The following ACAT2 variants were observed in gnomAD, a reference collection of about 807,000 sequenced individuals.
ACAT2 encodes acetyl-CoA acetyltransferase 2, also known as acetyl-CoA acetyltransferase, cytosolic.
A neutral mutation model predicts 37.1 loss-of-function variants in ACAT2; 26 were observed. That is an observed-to-expected ratio of 0.70 (90% CI 0.51 to 0.97). The LOEUF (loss-of-function observed/expected upper bound fraction) is 0.97. Among genes scored for constraint, ACAT2 ranks in the 50% least tolerant of loss-of-function variants. The pLI, the probability that ACAT2 is intolerant of heterozygous loss-of-function variation, is 0.00. For missense variants in ACAT2, 468 were observed against 489.0 expected, an observed-to-expected ratio of 0.96 and a Z score of 0.40; for synonymous variants, 156 against 163.6, an observed-to-expected ratio of 0.95 and a Z score of 0.35.
At chr6:159,769,438 G>A (rs1421716684) in intron 4 of ACAT2, among the ~76,000 whole-genome samples, 1 of 152,136 alleles carries the variant, frequency 6.6e-6, no homozygotes, top group Non-Finnish European at 1.5e-5. Flanking sequence ...CCCTTTCCAA[G>A]GTGTACTGTG....
intron 2 of ACAT2, 144 bp downstream of exon 2, chr6:159,763,197 T>C: frequency 8.8e-7 from 1 of 1,141,094 alleles, no homozygotes; most frequent in Non-Finnish European, 1.2e-6. Flanking sequence ...GTTCCCTCTG[T>C]TATGATTCCT....
rs1780410419 is a variant in ACAT2 at position 159,776,196 on chromosome 6, C to T, written c.681C>T (p.Asn227=). Residue 227 remains asparagine (N), a synonymous_variant, in exon 6 of 9, where the codon AAC becomes AAT. Coordinates refer to ENST00000367048, the MANE Select transcript of ACAT2 (RefSeq NM_005891.3). ...KTDEFPRHGS[N]IEAMSKLKPY... The stretch of plus-strand genomic sequence containing the variant: ...ATGAGTTTCCTCGCCATGGGAGCAA[C>T]ATAGAAGCCATGTCCAAGCTAAAGC... The T allele has an allele frequency of 6.2e-7, 1 of 1,614,124 alleles. No homozygotes were observed. The highest frequency in any genetic ancestry group is 8.5e-7 in the Non-Finnish European group (1 of 1,179,994).
intron 6 of ACAT2, among the ~76,000 whole-genome samples, 169 bp from the exon 7 acceptor site, chr6:159,777,133 G>A (rs1004695371): frequency 1.8e-4 from 27 of 152,160 alleles, no homozygotes; most frequent in African/African-American, 5.8e-4. Flanking sequence ...AAGTTTTGTG[G>A]TCAATATATT....
At chr6:159,762,645 C>T (rs1477045009) in intron 1 of ACAT2, 1 of 1,442,044 alleles carries the variant, frequency 6.9e-7, no homozygotes, top group African/African-American at 1.4e-5. Flanking sequence ...AGCATGGGGT[C>T]GCATCCAGTC....
In ACAT2 at chr6:159,778,300, C is replaced by A; in HGVS notation, c.1023+20C>A. 1.3e-6 allele frequency: 2 copies of A among 1,516,256 alleles called. No homozygotes were observed. Among genetic ancestry groups the A allele is most frequent in the East Asian group, 2.3e-5 (1 of 44,126 alleles). The allele number at this position is 1,516,256 out of a possible 1,614,324, so 93.9% of individuals were successfully genotyped here. A position where few individuals can be genotyped will look rare whatever the true frequency, so the allele number is the denominator to read the frequency against. ...GAGAAGGTAAAGATGCACAAGTAAC[C>A]CTGAGAGCTTACCAGTGAATTTCAC... On this transcript the variant is annotated intron_variant, in intron 8 of 8. Transcript: ENST00000367048.
Position 159,768,568 on chromosome 6 carries a change from G to C in ACAT2, c.430G>C (p.Asp144His). ...AAAGATAGGTGAGATGCCACTGACT[G>C]ACAGTATACTCTGTGATGGTCTTAC... ...GVKIGEMPLT[D>H]SILCDGLTDA... Residue 144 changes from aspartate to histidine, a missense_variant, in exon 4 of 9, where the codon GAC becomes CAC. By Grantham distance (81) the Asp-to-His change is moderately conservative (BLOSUM62 -1). Coordinates refer to ENST00000367048, the MANE Select transcript of ACAT2 (RefSeq NM_005891.3). The C allele has an allele frequency of 6.2e-7, 1 of 1,614,018 alleles. No homozygotes were observed. The highest frequency in any genetic ancestry group is 8.5e-7 in the Non-Finnish European group (1 of 1,179,916).
At chr6:159,766,957 T>G (rs1780265045) in intron 2 of ACAT2, 48 bp from the exon 3 acceptor site, 1 of 1,605,722 alleles carries the variant, frequency 6.2e-7, no homozygotes, top group Non-Finnish European at 8.5e-7. Flanking sequence ...CTGTGACATT[T>G]TGTCTTTCTC....
chr6:159,771,828 T>A (rs1376821044), intron 4 of ACAT2, among the ~76,000 whole-genome samples: 4 of 152,228 alleles, frequency 2.6e-5, no homozygotes, highest in African/African-American at 7.2e-5. Flanking sequence ...AGTTTGAGTC[T>A]AGCCTGGGCA....
At chr6:159,772,939 C>T (rs903727132) in intron 4 of ACAT2, among the ~76,000 whole-genome samples, 4 of 151,970 alleles carry the variant, frequency 2.6e-5, no homozygotes, top group Admixed American at 1.3e-4. Flanking sequence ...AGTGCAGTGG[C>T]TCAATCTTGG....
Position 159,777,469 on chromosome 6 carries a change from C to G in ACAT2, c.912+13C>G, listed in dbSNP as rs116271165. ...CATAAAGCAAGCTGTGAGTATAACC[C>G]TATTCCCTTTTATGAAATTTGTCTT... On this transcript the variant is annotated intron_variant, in intron 7 of 8. Coordinates refer to ENST00000367048, the MANE Select transcript of ACAT2 (RefSeq NM_005891.3). 2.5e-6 allele frequency: 4 copies of G among 1,603,606 alleles called. No individual in the cohort carries two copies. The highest frequency in any genetic ancestry group is 3.4e-6 in the Non-Finnish European group (4 of 1,176,368).
intron 7 of ACAT2, 99 bp downstream of exon 7, chr6:159,777,555 G>A (rs1420029426): frequency 6.9e-6 from 9 of 1,301,672 alleles, no homozygotes; most frequent in Non-Finnish European, 9.4e-6. Flanking sequence ...TACCAGAAGA[G>A]TAACCAAGAG....
intron 5 of ACAT2, 126 bp downstream of exon 5, chr6:159,775,439 C>G: frequency 8.9e-7 from 1 of 1,123,764 alleles, no homozygotes; most frequent in Admixed American, 2.4e-5. Context: ...AAATATATGT[C>G]CTGGATACAT....
chr6:159,764,749 G>A lies in ACAT2; in HGVS notation c.190+1696G>A, dbSNP rs538573023. On this transcript the variant is annotated intron_variant, in intron 2 of 8. Coordinates refer to ENST00000367048, the MANE Select transcript of ACAT2 (RefSeq NM_005891.3). ...GGGACTACCGGTGCATGTCTACTAA[G>A]TTTAAGGCTTTTAAAGCACTGTGCT... 7.2e-5 allele frequency among the ~76,000 whole-genome samples: 11 copies of A among 152,300 alleles called. No homozygotes were observed. The South Asian group carries it at 2.3e-3, about 32-fold the overall frequency.
intron 4 of ACAT2, among the ~76,000 whole-genome samples, chr6:159,771,066 A>AAAATTAAATTAAATTAAATTAAATT (rs146534828): frequency 1.5e-4 from 23 of 149,860 alleles, no homozygotes; most frequent in African/African-American, 5.4e-4. Context: ...TCTGTCTCAA[A>AAAATTAAATTAAATTAAATTAAATT]AAATTAAATT....
chr6:159,777,716 C>A (rs911845), intron 7 of ACAT2, among the ~76,000 whole-genome samples: 180 of 148,374 alleles, frequency 1.2e-3, no homozygotes, highest in Non-Finnish European at 1.9e-3. Flanking sequence ...AGGTGCACCA[C>A]GCCTTCTTCA....
intron 2 of ACAT2, 21 bp downstream of exon 2, chr6:159,763,074 G>A: frequency 6.2e-7 from 1 of 1,601,084 alleles, no homozygotes; most frequent in Non-Finnish European, 8.5e-7. Flanking sequence ...GTGATTCCAG[G>A]AGAAGTCAGG....
intron 5 of ACAT2, 89 bp downstream of exon 5, chr6:159,775,402 A>G: frequency 3.5e-6 from 5 of 1,444,630 alleles, no homozygotes; most frequent in South Asian, 1.3e-5. Context: ...TTTAGAAATT[A>G]TATCTTAGTT....
At position 159,766,265 on chromosome 6, in the gene ACAT2, G is replaced by A. The variant is rs369480967; in HGVS notation, c.191-740G>A. Reference sequence around the variant, plus strand: ...TATTATCAAAGGTTTTCCTTTTTAAGTAACCCTTTTTCTTCTCAAGTGTCT... The same window carrying A: ...TATTATCAAAGGTTTTCCTTTTTAAATAACCCTTTTTCTTCTCAAGTGTCT... On this transcript the variant is annotated intron_variant, in intron 2 of 8. Transcript: ENST00000367048. 6.8e-4 allele frequency among the ~76,000 whole-genome samples: 103 copies of A among 152,290 alleles called. 5 individuals are homozygous for A. In the South Asian group the frequency reaches 0.021, roughly 31 times the overall value.
intron 3 of ACAT2, 103 bp from the exon 4 acceptor site, chr6:159,768,408 G>C: frequency 1.2e-6 from 1 of 846,372 alleles, no homozygotes; most frequent in Non-Finnish European, 2.0e-6. Flanking sequence ...CTGCAAAGGG[G>C]CCTAGATGAA....
Sources: allele counts gnomAD v4.1 joint callset (sites outside exome capture counted in the v4.1 genomes callset), GRCh38; gene constraint gnomAD v4.1.1; transcripts MANE v1.5; gene names NCBI Gene and HGNC (gene_info 2026-07-23, HGNC 2026-07-21).